MAGI2: variants seen among roughly 807,000 people sequenced by gnomAD.
MAGI2 encodes membrane-associated guanylate kinase, WW and PDZ domain-containing protein 2.
Under a neutral mutation model 133.3 loss-of-function variants are expected in MAGI2, and 35 were observed. The observed-to-expected ratio is 0.26, with a 90% CI of 0.20 to 0.35. The LOEUF (loss-of-function observed/expected upper bound fraction) is 0.35. Among genes scored for constraint, MAGI2 ranks in the 10% least tolerant of loss-of-function variants. The pLI is 1.00. For synonymous variants in MAGI2, 729 were observed against 710.6 expected, an observed-to-expected ratio of 1.03 and a Z score of -0.41; for missense variants, 1,636 against 1,863.4, an observed-to-expected ratio of 0.88 and a Z score of 2.25.
chr7:78,687,797 C>A (rs1816498560), intron 2 of MAGI2, among the ~76,000 whole-genome samples: 2 of 151,262 alleles, frequency 1.3e-5, no homozygotes, highest in Admixed American at 6.6e-5. Flanking sequence ...GGTGAAACCC[C>A]TTCTCTACTA....
chr7:78,775,855 G>A (rs1190178530), intron 2 of MAGI2, among the ~76,000 whole-genome samples: 4 of 152,260 alleles, frequency 2.6e-5, no homozygotes, highest in Middle Eastern at 3.4e-3. Context: ...ACACTGTATT[G>A]TATCTTATTC....
Position 79,171,766 on chromosome 7 carries a change from ATATATTTTT to A in MAGI2, c.302-164569_302-164561del, listed in dbSNP as rs1301426552. The stretch of plus-strand genomic sequence containing the variant: ...AAAATATATATATATATATATATAT[ATATATTTTT>A]TTTTTTTTTTTCTTTTAAAGGGTCT... On this transcript the variant is annotated intron_variant, in intron 1 of 21. Coordinates refer to ENST00000354212, the MANE Select transcript of MAGI2 (RefSeq NM_012301.4). Among the ~76,000 whole-genome samples, 158 of 23,268 alleles carry A rather than the reference ATATATTTTT, an allele frequency of 6.8e-3. 11 individuals are homozygous for A. The highest frequency in any genetic ancestry group is 0.012 in the African/African-American group (131 of 10,972). The allele number at this position is 23,268 out of a possible 152,430, so 15.3% of individuals were successfully genotyped here. A position where few individuals can be genotyped will look rare whatever the true frequency, so the allele number is the denominator to read the frequency against.
intron 2 of MAGI2, among the ~76,000 whole-genome samples, chr7:78,916,523 A>G (rs571756475): frequency 2.0e-5 from 3 of 152,268 alleles, no homozygotes; most frequent in Non-Finnish European, 2.9e-5. Flanking sequence ...ACAATAAAGA[A>G]TACAAAGTAA....
At chr7:78,407,929 G>A (rs142862791) in intron 6 of MAGI2, among the ~76,000 whole-genome samples, 41 of 151,764 alleles carry the variant, frequency 2.7e-4, no homozygotes, top group African/African-American at 8.9e-4. Flanking sequence ...ACCCCTCCTC[G>A]GAACCTTGTA....
chr7:79,229,446 G>A lies in MAGI2; in HGVS notation c.302-222240C>T, dbSNP rs541280292. On this transcript the variant is annotated intron_variant, in intron 1 of 21. Coordinates refer to ENST00000354212, the MANE Select transcript of MAGI2 (RefSeq NM_012301.4). ...ATCGGCATAGAAGGGGGAAAAACTT[G>A]AGTCAAACACATTTTCAGATTGGCT... Among the ~76,000 whole-genome samples the A allele has an allele frequency of 2.6e-5, 4 of 152,244 alleles. No individual in the cohort carries two copies. In the South Asian group the frequency reaches 8.3e-4, roughly 32 times the overall value.
At chr7:78,582,870 A>C (rs1190103985) in intron 3 of MAGI2, among the ~76,000 whole-genome samples, 1 of 152,200 alleles carries the variant, frequency 6.6e-6, no homozygotes, top group Admixed American at 6.5e-5. Flanking sequence ...TATGTTTCCA[A>C]ATATAGCCCT....
At chr7:78,982,631 T>C (rs896130920) in intron 2 of MAGI2, among the ~76,000 whole-genome samples, 7 of 151,876 alleles carry the variant, frequency 4.6e-5, no homozygotes, top group African/African-American at 1.7e-4. Flanking sequence ...CCAGAAGTCA[T>C]TCTGGCCTAG....
intron 2 of MAGI2, among the ~76,000 whole-genome samples, chr7:78,638,409 G>C (rs180781583): frequency 2.0e-5 from 3 of 152,290 alleles, no homozygotes; most frequent in African/African-American, 7.2e-5. Context: ...TCACACCAAA[G>C]TCCATCTCCT....
intron 1 of MAGI2, among the ~76,000 whole-genome samples, chr7:79,066,644 T>C (rs1256400755): frequency 6.6e-6 from 1 of 152,192 alleles, no homozygotes; most frequent in Non-Finnish European, 1.5e-5. Flanking sequence ...TGGGTTTTGT[T>C]GCCATTGCTT....
intron 1 of MAGI2, among the ~76,000 whole-genome samples, chr7:79,391,736 C>A (rs539250988): frequency 3.9e-4 from 59 of 151,846 alleles, no homozygotes; most frequent in African/African-American, 1.4e-3. Context: ...GTCACCCAGG[C>A]TGGAGTGGCG....
At chr7:79,308,719 T>C (rs1838019232) in intron 1 of MAGI2, among the ~76,000 whole-genome samples, 2 of 152,208 alleles carry the variant, frequency 1.3e-5, no homozygotes, top group African/African-American at 4.8e-5. Flanking sequence ...TTTGAATTAT[T>C]TCTACCTGAT....
At chr7:78,234,326 C>T (rs1790281149) in intron 10 of MAGI2, among the ~76,000 whole-genome samples, 1 of 152,084 alleles carries the variant, frequency 6.6e-6, no homozygotes, top group Non-Finnish European at 1.5e-5. Context: ...CATTGTAATG[C>T]TCATTACAAC....
chr7:78,915,952 C>G (rs762289051), intron 2 of MAGI2, among the ~76,000 whole-genome samples: 1 of 151,886 alleles, frequency 6.6e-6, no homozygotes, highest in African/African-American at 2.4e-5. Context: ...GGGGAAGGAG[C>G]CTGACAATAT....
At chr7:78,703,589 C>G (rs1032129601) in intron 2 of MAGI2, among the ~76,000 whole-genome samples, 1 of 151,942 alleles carries the variant, frequency 6.6e-6, no homozygotes, top group Admixed American at 6.6e-5. Flanking sequence ...TGAACTAATG[C>G]TCCAAAAAGC....
chr7:78,663,202 C>CTTTTT (rs35544274), intron 2 of MAGI2, among the ~76,000 whole-genome samples: 1 of 109,242 alleles, frequency 9.2e-6, no homozygotes, highest in Admixed American at 1.1e-4. Flanking sequence ...TGTACCAACT[C>CTTTTT]TTTTTTTTTT....
At chr7:78,916,240 G>A (rs140421066) in intron 2 of MAGI2, among the ~76,000 whole-genome samples, 2 of 152,092 alleles carry the variant, frequency 1.3e-5, no homozygotes, top group East Asian at 1.9e-4. Flanking sequence ...GAAATAATAT[G>A]TGTATAATGC....
At chr7:79,339,959 T>C (rs954685340) in intron 1 of MAGI2, among the ~76,000 whole-genome samples, 1 of 152,134 alleles carries the variant, frequency 6.6e-6, no homozygotes, top group Non-Finnish European at 1.5e-5. Context: ...CTAGAATATG[T>C]CTTAAGTACA....
At chr7:78,083,711 C>T (rs1816311362) in intron 20 of MAGI2, among the ~76,000 whole-genome samples, 1 of 152,240 alleles carries the variant, frequency 6.6e-6, no homozygotes, top group Non-Finnish European at 1.5e-5. Context: ...CCTACTCACA[C>T]ATTTCTGCTC....
chr7:78,449,169 G>A (rs1023633763), intron 6 of MAGI2, among the ~76,000 whole-genome samples: 2 of 151,946 alleles, frequency 1.3e-5, no homozygotes, highest in Non-Finnish European at 2.9e-5. Context: ...CCTGATAAGG[G>A]CTATGGAAAC....
Sources: allele counts gnomAD v4.1 joint callset (sites outside exome capture counted in the v4.1 genomes callset), GRCh38; gene constraint gnomAD v4.1.1; transcripts MANE v1.5; gene names NCBI Gene and HGNC (gene_info 2026-07-23, HGNC 2026-07-21).